Variants in PTPRT observed in about 807,000 individuals in gnomAD.
PTPRT encodes the protein protein tyrosine phosphatase receptor type T.
PTPRT carries 56 observed loss-of-function variants against 176.8 expected under a neutral mutation model. That is an observed-to-expected ratio of 0.32 (90% CI 0.26 to 0.40). The LOEUF (loss-of-function observed/expected upper bound fraction) is 0.40, where lower values mean the gene tolerates loss of function less well. Ranked by LOEUF, PTPRT falls within the 10% of genes least tolerant of loss-of-function variation. PTPRT has a pLI of 1.00. For synonymous variants in PTPRT, 783 were observed against 739.0 expected, an observed-to-expected ratio of 1.06 and a Z score of -0.96; for missense variants, 1,540 against 1,908.2, an observed-to-expected ratio of 0.81 and a Z score of 3.60.
intron 6 of PTPRT, among the ~76,000 whole-genome samples, chr20:42,686,878 A>G (rs144017794): frequency 1.3e-5 from 2 of 152,246 alleles, no homozygotes; most frequent in East Asian, 3.9e-4. Context: ...TAGATAAACT[A>G]TTCGCAAATC....
intron 9 of PTPRT, among the ~76,000 whole-genome samples, chr20:42,394,686 G>T (rs1253828919): frequency 1.3e-5 from 2 of 152,172 alleles, no homozygotes; most frequent in Admixed American, 1.3e-4. Flanking sequence ...ACTTAGAGCT[G>T]ATTATTTTAC....
chr20:43,067,402 T>C lies in PTPRT; in HGVS notation c.88+122244A>G, dbSNP rs539622431. Among the ~76,000 whole-genome samples the C allele has an allele frequency of 1.5e-3, 223 of 152,324 alleles. 1 individual carries two copies. The highest frequency in any genetic ancestry group is 5.2e-3 in the African/African-American group (215 of 41,572). On this transcript the variant is annotated intron_variant, in intron 1 of 30. Transcript: ENST00000373187. ...AGGTTTTGGAACTGTATCAAGGTGG[T>C]ACTTATAGAACATTGTGAATGCACC... is the stretch of plus-strand genomic sequence containing the variant.
chr20:42,703,801 C>T (rs1479184359), intron 6 of PTPRT, among the ~76,000 whole-genome samples: 2 of 152,120 alleles, frequency 1.3e-5, no homozygotes. Flanking sequence ...CTCTACTTGC[C>T]CCTGCACACG....
At chr20:42,428,567 T>G (rs1042477547) in intron 9 of PTPRT, among the ~76,000 whole-genome samples, 8 of 152,192 alleles carry the variant, frequency 5.3e-5, no homozygotes, top group African/African-American at 1.9e-4. Context: ...CAGTGCCTAT[T>G]TGTGTCAGAG....
At chr20:42,454,670 G>C (rs887368139) in intron 8 of PTPRT, among the ~76,000 whole-genome samples, 1 of 152,082 alleles carries the variant, frequency 6.6e-6, no homozygotes, top group African/African-American at 2.4e-5. Context: ...GGCTATATGT[G>C]CTACTGAAAA....
intron 9 of PTPRT, among the ~76,000 whole-genome samples, chr20:42,365,297 T>C (rs916236564): frequency 1.3e-4 from 20 of 152,196 alleles, no homozygotes; most frequent in Non-Finnish European, 2.2e-4. Flanking sequence ...CTCAATCATT[T>C]TTTTCTTTAC....
intron 5 of PTPRT, among the ~76,000 whole-genome samples, chr20:42,758,720 G>T (rs2076872785): frequency 6.6e-6 from 1 of 152,180 alleles, no homozygotes; most frequent in South Asian, 2.1e-4. Context: ...ACACATCAGA[G>T]CAACATGCAT....
chr20:43,118,070 A>G (rs6124526), intron 1 of PTPRT, among the ~76,000 whole-genome samples: 145,244 of 152,260 alleles, frequency 0.95, 69,661 homozygotes, highest in East Asian at 1. Context: ...AACAGGGATC[A>G]GCAAAATTCT....
chr20:42,982,762 A>G (rs916586629), intron 1 of PTPRT, among the ~76,000 whole-genome samples: 1 of 152,128 alleles, frequency 6.6e-6, no homozygotes, highest in South Asian at 2.1e-4. Context: ...CTCCTCTCCC[A>G]CACCCGCCCT....
chr20:42,360,914 A>G (rs896032964), intron 9 of PTPRT, among the ~76,000 whole-genome samples: 1 of 152,224 alleles, frequency 6.6e-6, no homozygotes, highest in Non-Finnish European at 1.5e-5. Context: ...AGCTTGGCAT[A>G]GAGAAGGAGT....
chr20:42,869,993 T>C (rs761399350), intron 2 of PTPRT, among the ~76,000 whole-genome samples: 18 of 152,160 alleles, frequency 1.2e-4, no homozygotes, highest in South Asian at 2.1e-4. Context: ...ATCTTTGAAA[T>C]AGAAATGGGG....
chr20:42,866,444 C>T (rs183731403), intron 2 of PTPRT, among the ~76,000 whole-genome samples: 1 of 152,192 alleles, frequency 6.6e-6, no homozygotes, highest in Admixed American at 6.6e-5. Context: ...TACCTCCAAC[C>T]CCCTTTTCCT....
intron 1 of PTPRT, among the ~76,000 whole-genome samples, chr20:43,178,627 G>A (rs372532274): frequency 1.3e-5 from 2 of 152,162 alleles, no homozygotes; most frequent in Non-Finnish European, 2.9e-5. Flanking sequence ...GCTCAAAGCT[G>A]CAACAGCAGA....
At chr20:42,962,268 T>C (rs1982028000) in intron 1 of PTPRT, among the ~76,000 whole-genome samples, 1 of 152,176 alleles carries the variant, frequency 6.6e-6, no homozygotes, top group Non-Finnish European at 1.5e-5. Flanking sequence ...TTGAACAACA[T>C]AATAAATGCA....
At chr20:42,604,595 G>T (rs1036163285) in intron 7 of PTPRT, among the ~76,000 whole-genome samples, 1 of 152,098 alleles carries the variant, frequency 6.6e-6, no homozygotes, top group Non-Finnish European at 1.5e-5. Flanking sequence ...ATGCTAGGAA[G>T]AGGTTCTCTC....
At chr20:43,074,487 T>C (rs544255779) in intron 1 of PTPRT, among the ~76,000 whole-genome samples, 1 of 152,310 alleles carries the variant, frequency 6.6e-6, no homozygotes, top group South Asian at 2.1e-4. Context: ...GAAAGTAACA[T>C]TGAATAAGTC....
intron 3 of PTPRT, among the ~76,000 whole-genome samples, chr20:42,783,694 G>A (rs1233853559): frequency 6.6e-6 from 1 of 152,184 alleles, no homozygotes; most frequent in Non-Finnish European, 1.5e-5. Context: ...CTGCCAAGGT[G>A]TTCTGAGGAG....
At position 42,923,520 on chromosome 20, in the gene PTPRT, C is replaced by T. The variant is rs141499106; in HGVS notation, c.89-37588G>A. Reference sequence around the variant, plus strand: ...GTGACAGATTGGCAGATAAAGCCCACGCGCCACTGTCTAAGTGACAACACA... The same window carrying T: ...GTGACAGATTGGCAGATAAAGCCCATGCGCCACTGTCTAAGTGACAACACA... On this transcript the variant is annotated intron_variant, in intron 1 of 30. Transcript: ENST00000373187. Among the ~76,000 whole-genome samples, 123 of 152,318 alleles carry T rather than the reference C, an allele frequency of 8.1e-4. 1 individual carries two copies. The highest frequency in any genetic ancestry group is 2.6e-3 in the African/African-American group (109 of 41,570).
chr20:42,046,126 T>C, the PTPRT span, among the ~76,000 whole-genome samples: 1 of 152,240 alleles, frequency 6.6e-6, no homozygotes, highest in South Asian at 2.1e-4. Context: ...GTTGCTGGAC[T>C]GGCCTTTTCC....
Sources: allele counts gnomAD v4.1 joint callset (sites outside exome capture counted in the v4.1 genomes callset), GRCh38; gene constraint gnomAD v4.1.1; transcripts MANE v1.5; gene names NCBI Gene and HGNC (gene_info 2026-07-23, HGNC 2026-07-21).